Variants in UNC13B observed in about 807,000 individuals in gnomAD.
UNC13B encodes the protein unc-13 homolog B.
Under a neutral mutation model 211.0 loss-of-function variants are expected in UNC13B, and 144 were observed. The observed-to-expected ratio is 0.68, with a 90% CI of 0.60 to 0.78. The LOEUF is 0.78. UNC13B is among the 30% of genes least tolerant of loss of function. UNC13B has a pLI of 0.00. For missense variants in UNC13B, 1,777 were observed against 2,002.0 expected (o/e 0.89, Z 2.14); for synonymous variants, 709 against 725.8 (o/e 0.98, Z 0.37).
At chr9:35,390,905 T>G (rs983940307) in intron 26 of UNC13B, among the ~76,000 whole-genome samples, 191 bp downstream of exon 26, 1 of 152,146 alleles carries the variant, frequency 6.6e-6, no homozygotes, top group Non-Finnish European at 1.5e-5. Flanking sequence ...AAAGGACATA[T>G]GAAAATGGCT....
At chr9:35,234,594 T>C (rs1462436423) in intron 3 of UNC13B, among the ~76,000 whole-genome samples, 2 of 152,168 alleles carry the variant, frequency 1.3e-5, no homozygotes, top group African/African-American at 4.8e-5. Context: ...TTCATCTACT[T>C]TGTGGCTCTG....
At chr9:35,284,970 T>G (rs779451458) in intron 7 of UNC13B, among the ~76,000 whole-genome samples, 15 of 152,218 alleles carry the variant, frequency 9.9e-5, no homozygotes, top group Non-Finnish European at 2.1e-4. Context: ...ACCTTACTTT[T>G]TAATGTGACT....
intron 11 of UNC13B, among the ~76,000 whole-genome samples, chr9:35,357,927 C>T (rs1289696193): frequency 1.3e-5 from 2 of 152,192 alleles, no homozygotes; most frequent in African/African-American, 4.8e-5. Context: ...AAACTCTATA[C>T]CTATTAAATA....
intron 11 of UNC13B, among the ~76,000 whole-genome samples, chr9:35,358,967 T>G (rs985333162): frequency 1.3e-5 from 2 of 152,104 alleles, no homozygotes; most frequent in African/African-American, 4.8e-5. Flanking sequence ...CCCAAAGTGC[T>G]GGGATTAGAG....
chr9:35,224,963 G>T (rs867227340), intron 1 of UNC13B, among the ~76,000 whole-genome samples: 2 of 151,306 alleles, frequency 1.3e-5, no homozygotes, highest in Non-Finnish European at 2.9e-5. Context: ...TAGAAAAGGC[G>T]TTTGATAAAA....
chr9:35,282,195 A>G (rs72725028), intron 7 of UNC13B, among the ~76,000 whole-genome samples: 1 of 152,200 alleles, frequency 6.6e-6, no homozygotes, highest in Non-Finnish European at 1.5e-5. Flanking sequence ...ATGTATTAGT[A>G]TAAGGTAGGT....
chr9:35,399,233 G>A lies in UNC13B; in HGVS notation c.12147G>A (p.Val4049=). The A allele has an allele frequency of 1.9e-6, 3 of 1,614,182 alleles. No homozygotes were observed. Among genetic ancestry groups the A allele is most frequent in the Non-Finnish European group, 2.5e-6 (3 of 1,180,042 alleles). The change falls in exon 34 of 40, where the codon GTG becomes GTA. Residue 4049 remains valine, a synonymous_variant. Transcript: ENST00000635942. The part of the protein sequence containing the change: ...KRVLKELWRV[V]MNTMERMIVL... ...TACTGAAGGAGCTCTGGCGCGTGGT[G>A]ATGAACACAATGGAGAGGATGATTG...
In UNC13B at chr9:35,382,437, C is replaced by G; in HGVS notation, c.10736C>G (p.Ala3579Gly). Reference protein sequence around the residue: ...VMSTLLANINAYYAHTTASTN... With the variant: ...VMSTLLANINGYYAHTTASTN... The stretch of plus-strand genomic sequence containing the variant: ...AGCACCTTACTGGCCAACATCAACG[C>G]CTACTATGCCCACACAACTGCCTCT... Residue 3579 changes from alanine (A) to glycine (G), a missense_variant, in exon 21 of 40, where the codon GCC becomes GGC. Ala to Gly is a moderately conservative substitution (Grantham distance 60, BLOSUM62 0). Transcript: ENST00000635942. 1.2e-6 allele frequency: 2 copies of G among 1,614,196 alleles called. No homozygotes were observed. The highest frequency in any genetic ancestry group is 1.7e-6 in the Non-Finnish European group (2 of 1,180,046).
intron 11 of UNC13B, among the ~76,000 whole-genome samples, chr9:35,350,065 C>T (rs1832616025): frequency 6.6e-6 from 1 of 152,178 alleles, no homozygotes; most frequent in African/African-American, 2.4e-5. Context: ...CTTACCCCTC[C>T]CAGGAGACCT....
At chr9:35,191,053 G>A (rs922055611) in intron 1 of UNC13B, among the ~76,000 whole-genome samples, 4 of 152,024 alleles carry the variant, frequency 2.6e-5, no homozygotes, top group Non-Finnish European at 4.4e-5. Flanking sequence ...CCCATCTCCC[G>A]GGTTCCAATG....
At position 35,305,837 on chromosome 9, in the gene UNC13B, A is replaced by G; in HGVS notation, c.6433A>G (p.Met2145Val). The G allele has an allele frequency of 2.5e-6, 1 of 399,046 alleles. No individual in the cohort carries two copies. Among genetic ancestry groups the G allele is most frequent in the Non-Finnish European group, 4.4e-6 (1 of 226,048 alleles). The allele number at this position is 399,046 out of a possible 1,614,324, so 24.7% of individuals were successfully genotyped here. A position where few individuals can be genotyped will look rare whatever the true frequency, so the allele number is the denominator to read the frequency against. ...TTCTGACAAAGACTGGAGTTTCTCT[A>G]TGGCTGCAACATCTTCATCTCAACC... ...HFSDKDWSFSMAATSSSQPEL... is the reference protein window; with the variant it reads ...HFSDKDWSFSVAATSSSQPEL... Residue 2145 changes from methionine to valine, a missense_variant, in exon 9 of 40, where the codon ATG becomes GTG. By Grantham distance (21) the Met-to-Val change is conservative (BLOSUM62 1). Transcript: ENST00000635942.
At chr9:35,318,364 CACA>C (rs1465481104) in intron 11 of UNC13B, among the ~76,000 whole-genome samples, 1 of 152,148 alleles carries the variant, frequency 6.6e-6, no homozygotes, top group Admixed American at 6.6e-5. Context: ...AGAAGTTAAG[CACA>C]ACACCAAGGA....
At chr9:35,314,996 C>T (rs1345022117) in intron 11 of UNC13B, among the ~76,000 whole-genome samples, 1 of 147,026 alleles carries the variant, frequency 6.8e-6, no homozygotes, top group African/African-American at 2.5e-5. Flanking sequence ...CCTACCTGTG[C>T]CTCTTTAGTA....
At chr9:35,349,648 T>A (rs966897569) in intron 11 of UNC13B, among the ~76,000 whole-genome samples, 1 of 152,186 alleles carries the variant, frequency 6.6e-6, no homozygotes, top group East Asian at 1.9e-4. Context: ...ATTAGAGTTG[T>A]TAGATAAGCT....
chr9:35,285,258 T>TG (rs1352489875), intron 7 of UNC13B, among the ~76,000 whole-genome samples: 1 of 152,226 alleles, frequency 6.6e-6, no homozygotes, highest in Non-Finnish European at 1.5e-5. Context: ...TCTGGGAGAC[T>TG]GTGGCTTTTT....
At chr9:35,257,332 TATATAA>T (rs1469324387) in intron 6 of UNC13B, among the ~76,000 whole-genome samples, 31 of 67,828 alleles carry the variant, frequency 4.6e-4, no homozygotes, top group Non-Finnish European at 8.1e-4. Context: ...TAAAAATATT[TATATAA>T]ATATTTATAA....
chr9:35,326,497 T>C (rs1927954), intron 11 of UNC13B, among the ~76,000 whole-genome samples: 54,802 of 152,066 alleles, frequency 0.36, 10,375 homozygotes, highest in African/African-American at 0.47. Flanking sequence ...GCAGTCCTTC[T>C]ACCTCAGCTT....
intron 1 of UNC13B, among the ~76,000 whole-genome samples, chr9:35,201,035 T>C (rs550114096): frequency 2.6e-5 from 4 of 152,214 alleles, no homozygotes; most frequent in Non-Finnish European, 5.9e-5. Flanking sequence ...ATTGAGAGTT[T>C]TTAGCATGAC....
At chr9:35,350,241 AC>A (rs1313267879) in intron 11 of UNC13B, among the ~76,000 whole-genome samples, 6 of 152,198 alleles carry the variant, frequency 3.9e-5, no homozygotes, top group Admixed American at 3.9e-4. Flanking sequence ...TAATGCAGTC[AC>A]CAATAGCTTA....
Sources: gnomAD v4.1 joint callset for allele counts (sites outside exome capture counted in the v4.1 genomes callset) on GRCh38, gnomAD v4.1.1 for gene constraint, MANE v1.5 for transcripts, NCBI Gene and HGNC (gene_info 2026-07-23, HGNC 2026-07-21) for gene names.